The following GPHN variants were observed in gnomAD, a reference collection of about 807,000 sequenced individuals.
GPHN encodes gephyrin.
A neutral mutation model predicts 95.5 loss-of-function variants in GPHN; 17 were observed. The ratio of observed to expected loss-of-function variants is 0.18; its 90% CI spans 0.12 to 0.27. GPHN has a LOEUF of 0.27. Among genes scored for constraint, GPHN ranks in the 10% least tolerant of loss-of-function variants. The pLI is 1.00. For missense variants in GPHN, 660 were observed against 978.1 expected (o/e 0.67, Z 4.34); for synonymous variants, 320 against 322.5 (o/e 0.99, Z 0.08).
At chr14:67,690,531 TC>T in the GPHN span, 6 of 850,788 alleles carry the variant, frequency 7.1e-6, no homozygotes, top group Admixed American at 1.4e-4. Flanking sequence ...ATAAGGTCTT[TC>T]CCTCCAACTT....
At chr14:66,781,261 G>A (rs1050475981) in intron 3 of GPHN, among the ~76,000 whole-genome samples, 1 of 150,744 alleles carries the variant, frequency 6.6e-6, no homozygotes, top group Non-Finnish European at 1.5e-5. Context: ...CTGTCGCCCG[G>A]GCTTGAGTGC....
intron 1 of GPHN, among the ~76,000 whole-genome samples, chr14:66,566,505 TG>T (rs1251243555): frequency 6.6e-6 from 1 of 151,916 alleles, no homozygotes; most frequent in African/African-American, 2.4e-5. Context: ...ACTTTCTTAT[TG>T]TCTACATTTT....
chr14:66,788,077 C>G (rs756257861), intron 3 of GPHN, among the ~76,000 whole-genome samples: 1 of 151,570 alleles, frequency 6.6e-6, no homozygotes, highest in Non-Finnish European at 1.5e-5. Flanking sequence ...GTCCTGTAAT[C>G]CCAGCACTTT....
chr14:67,057,808 T>A (rs7141519), intron 10 of GPHN, among the ~76,000 whole-genome samples: 3 of 151,994 alleles, frequency 2.0e-5, no homozygotes, highest in African/African-American at 7.3e-5. Context: ...CCTAACTGTT[T>A]CTGGTTCATA....
At chr14:67,435,803 C>T in the GPHN span, among the ~76,000 whole-genome samples, 5 of 152,234 alleles carry the variant, frequency 3.3e-5, no homozygotes, top group African/African-American at 4.8e-5. Context: ...AGCATCACCC[C>T]GCTGTGTCCT....
chr14:67,098,366 C>G (rs563777198), intron 12 of GPHN, among the ~76,000 whole-genome samples: 49 of 152,182 alleles, frequency 3.2e-4, no homozygotes, highest in African/African-American at 1.1e-3. Flanking sequence ...GTGATTATCC[C>G]CATTTTTACC....
At chr14:67,657,113 C>T in the GPHN span, 3 of 152,344 alleles carry the variant, frequency 2.0e-5, no homozygotes, top group African/African-American at 7.2e-5. Flanking sequence ...AAGCCTCCAG[C>T]ACCTGGTATT....
At chr14:67,573,922 G>A in the GPHN span, 1 of 1,490,804 alleles carries the variant, frequency 6.7e-7, no homozygotes, top group Non-Finnish European at 9.4e-7. The surrounding 1 kb of genome is among the most constrained non-coding windows in gnomAD (Gnocchi z 4.8). Context: ...ATTTTAAACA[G>A]AAGAGGTGCT....
the GPHN span, chr14:67,385,526 C>T: frequency 2.0e-5 from 3 of 151,910 alleles, no homozygotes; most frequent in Non-Finnish European, 4.4e-5. Flanking sequence ...CCTACTGTAC[C>T]TTTCACTGAT....
the GPHN span, chr14:67,562,980 A>G: frequency 2.5e-5 from 35 of 1,377,580 alleles, 1 homozygote; most frequent in African/African-American, 5.0e-4. Context: ...ACTGAGCAGG[A>G]GAGGAGGCTG....
intron 8 of GPHN, among the ~76,000 whole-genome samples, chr14:66,929,218 G>A (rs1478632605): frequency 6.6e-6 from 1 of 151,918 alleles, no homozygotes; most frequent in Non-Finnish European, 1.5e-5. Flanking sequence ...ACCGTGCCCA[G>A]CTAATTTTTG....
chr14:67,587,181 A>G, the GPHN span: 29 of 1,613,654 alleles, frequency 1.8e-5, no homozygotes, highest in African/African-American at 3.3e-4. Flanking sequence ...AACTGGATGG[A>G]CGACAGTTCT....
At chr14:67,421,203 G>T in the GPHN span, among the ~76,000 whole-genome samples, 1 of 152,194 alleles carries the variant, frequency 6.6e-6, no homozygotes, top group Admixed American at 6.5e-5. Context: ...CTTTCAAATT[G>T]CAGGGGACCC....
chr14:67,049,985 A>G (rs1056172137), intron 10 of GPHN, among the ~76,000 whole-genome samples: 3 of 152,156 alleles, frequency 2.0e-5, no homozygotes, highest in Non-Finnish European at 4.4e-5. Flanking sequence ...GAGAATTACA[A>G]TACTCCTCCT....
In GPHN at chr14:67,023,673, CCAGT is replaced by C. The variant is rs1329422146; in HGVS notation, c.1005_1006+2del. 1 of 1,611,346 alleles carries C rather than the reference CCAGT, an allele frequency of 6.2e-7. No individual in the cohort carries two copies. The highest frequency in any genetic ancestry group is 1.7e-5 in the Admixed American group (1 of 59,930). ...AGCAGCAAGGAGAACATTCTCAGAGCCAGTAAGTATTTTACCATTTCTGGTGGGC... is the reference window on the plus strand; with the variant it reads ...AGCAGCAAGGAGAACATTCTCAGAGCAAGTATTTTACCATTTCTGGTGGGC... On this transcript the variant is annotated splice_donor_variant and coding_sequence_variant, in exon 10 of 23. Transcript: ENST00000478722. LOFTEE classifies it high-confidence loss of function.
At chr14:67,024,608 G>C (rs929545849) in intron 10 of GPHN, among the ~76,000 whole-genome samples, 3 of 152,192 alleles carry the variant, frequency 2.0e-5, no homozygotes, top group African/African-American at 7.2e-5. Context: ...AAGGCAAAAA[G>C]ATACATAGGG....
At chr14:67,633,072 G>A in the GPHN span, among the ~76,000 whole-genome samples, 9 of 151,870 alleles carry the variant, frequency 5.9e-5, no homozygotes, top group South Asian at 2.1e-4. Flanking sequence ...CGCCCGCCTC[G>A]GCCTCCGAAA....
intron 4 of GPHN, among the ~76,000 whole-genome samples, chr14:66,836,509 T>A (rs1426901597): frequency 2.2e-4 from 30 of 135,512 alleles, no homozygotes; most frequent in African/African-American, 7.5e-4. Context: ...AACCTAGGCA[T>A]TACCATTCAG....
intron 12 of GPHN, among the ~76,000 whole-genome samples, chr14:67,091,422 T>A (rs2077142348): frequency 6.6e-6 from 1 of 151,964 alleles, no homozygotes; most frequent in Admixed American, 6.6e-5. Context: ...CTTGAAATAG[T>A]TTCTTATTGC....
Sources: gnomAD v4.1 joint callset for allele counts (sites outside exome capture counted in the v4.1 genomes callset) on GRCh38, gnomAD v4.1.1 for gene constraint, Gnocchi (gnomAD v3.1) non-coding constraint, MANE v1.5 for transcripts, NCBI Gene and HGNC (gene_info 2026-07-23, HGNC 2026-07-21) for gene names.